Variants in COL1A1 observed in about 807,000 individuals in gnomAD.
The protein encoded by COL1A1 is collagen alpha-1(I) chain.
Under a neutral mutation model 195.7 loss-of-function variants are expected in COL1A1, and 21 were observed. The ratio of observed to expected loss-of-function variants is 0.11; its 90% confidence interval spans 0.08 to 0.15. COL1A1 has a LOEUF of 0.15. Among genes scored for constraint, COL1A1 ranks in the 10% least tolerant of loss-of-function variants. The pLI is 1.00. For missense variants in COL1A1, 1,365 were observed against 2,051.0 expected (o/e 0.67, Z 6.46); for synonymous variants, 749 against 747.3 (o/e 1.00, Z -0.04).
At position 50,184,475 on chromosome 17, in the gene COL1A1, C is replaced by CAAAAAAAAAAAA. The variant is rs58879635; in HGVS notation, c.*1015_*1026dup. 4 of 108,038 alleles carry CAAAAAAAAAAAA rather than the reference C, an allele frequency of 3.7e-5. No homozygotes were observed. The highest frequency in any genetic ancestry group is 1.4e-4 in the East Asian group (1 of 6,966). The allele number at this position is 108,038 out of a possible 1,614,324, so 6.7% of individuals were successfully genotyped here. ...AGAAAAATTCACAAGTCCCCATCCA[C>CAAAAAAAAAAAA]AAAAAAAAAAAAAAAAAAAGAAAAA... is the stretch of plus-strand genomic sequence containing the variant. On this transcript the variant is annotated 3_prime_UTR_variant, in exon 51 of 51. Coordinates refer to ENST00000225964, the MANE Select transcript of COL1A1 (RefSeq NM_000088.4).
intron 5 of COL1A1, 81 bp downstream of exon 5, chr17:50,199,145 T>G: frequency 7.1e-7 from 1 of 1,405,800 alleles, no homozygotes; most frequent in Non-Finnish European, 9.3e-7. Flanking sequence ...TTGAAATTAT[T>G]TCAAAGTATA....
Position 50,187,972 on chromosome 17 carries a change from G to T in COL1A1, c.3273C>A (p.Gly1091=). 3.1e-6 allele frequency: 5 copies of T among 1,614,118 alleles called. No homozygotes were observed. In the South Asian group the frequency reaches 4.4e-5, roughly 14 times the overall value. ...VGARGPAGPQ[G]PRGDKGETGE... The stretch of plus-strand genomic sequence containing the variant: ...CTGTCTCACCCTTGTCACCACGGGG[G>T]CCTTGGGGTCCCTAGAAGAGAGAAA... Residue 1091 remains glycine (G), a synonymous_variant, in exon 45 of 51, where the codon GGC becomes GGA. Transcript: ENST00000225964.
intron 9 of COL1A1, 85 bp from the exon 10 acceptor site, chr17:50,197,318 T>A (rs1012219748): frequency 3.6e-5 from 51 of 1,414,822 alleles, no homozygotes; most frequent in Admixed American, 6.8e-5. Context: ...CTCAGTCTTC[T>A]TTGGATTGTT....
In COL1A1 at chr17:50,190,898, A is replaced by T. The variant is rs1337728350; in HGVS notation, c.2262T>A (p.Asp754Glu). The change falls in exon 33 of 51, where the codon GAT becomes GAA. Residue 754 changes from aspartate (D) to glutamate (E), a missense_variant. Asp to Glu is a conservative substitution (Grantham distance 45). Coordinates refer to ENST00000225964, the MANE Select transcript of COL1A1 (RefSeq NM_000088.4). This position sits in a 1 kb window ranked among gnomAD's most constrained non-coding sequence, Gnocchi z 4.7. ...GGACGCCATCTTTGCCAGGAGAGCC[A>T]TCAGCACCTTTGGGACCAGCATCAC... ...DRGDAGPKGA[D>E]GSPGKDGVRG... 1 of 1,613,974 alleles carries T rather than the reference A, an allele frequency of 6.2e-7. No homozygotes were observed. The highest frequency in any genetic ancestry group is 1.7e-5 in the Admixed American group (1 of 60,018).
chr17:50,196,618 T>C lies in COL1A1; in HGVS notation c.857A>G (p.Lys286Arg). The change falls in exon 12 of 51, where the codon AAG becomes AGG. Residue 286 changes from lysine (K) to arginine (R), a missense_variant and splice_region_variant. This residue lies in a region of COL1A1 where 226 missense variants were observed against 372.9 expected (regional missense o/e 0.61). Transcript: ENST00000225964. ...AKGDAGPAGP[K>R]GEPGSPGENG... ...CATGATGTTCAGACAGCCTCTTACC[T>C]TAGGACCAGCAGGACCAGCATCTCC... 1.9e-6 allele frequency: 3 copies of C among 1,614,014 alleles called. 1 individual carries two copies. The highest frequency in any genetic ancestry group is 2.5e-6 in the Non-Finnish European group (3 of 1,179,986).
Position 50,190,934 on chromosome 17 carries a change from T to C in COL1A1, c.2236-10A>G. The C allele has an allele frequency of 6.2e-7, 1 of 1,612,534 alleles. No individual in the cohort carries two copies. Among genetic ancestry groups the C allele is most frequent in the Non-Finnish European group, 8.5e-7 (1 of 1,178,726 alleles). ...TGGGACCAGCATCACCCTAAAGACA[T>C]GGATAAGCTTGAGATTTCCAGTGTG... On this transcript the variant is annotated splice_polypyrimidine_tract_variant and intron_variant, in intron 32 of 50. Coordinates refer to ENST00000225964, the MANE Select transcript of COL1A1 (RefSeq NM_000088.4). This position sits in a 1 kb window ranked among gnomAD's most constrained non-coding sequence, Gnocchi z 4.7.
At chr17:50,200,115 G>T in intron 1 of COL1A1, 168 bp from the exon 2 acceptor site, 1 of 755,454 alleles carries the variant, frequency 1.3e-6, no homozygotes. Flanking sequence ...CAGCGCGGGT[G>T]ACAGCGCCGA....
Position 50,195,049 on chromosome 17 carries a change from G to A in COL1A1, c.1351C>T (p.Pro451Ser). ...AGAAGGATGGCGGGGAGACTTACAG[G>A]CTCTCCCTTAGCACCAGTGTCTCCT... Reference protein sequence around the residue: ...SKGDTGAKGEPGPVGVQGPPG... With the variant: ...SKGDTGAKGESGPVGVQGPPG... Residue 451 changes from proline to serine, a missense_variant and splice_region_variant, in exon 20 of 51, where the codon CCT becomes TCT. This residue lies in a region of COL1A1 where 671 missense variants were observed against 1,099.9 expected (regional missense o/e 0.61). Transcript: ENST00000225964. The surrounding 1 kb of genome is among the most constrained non-coding windows in gnomAD (Gnocchi z 4.3). 6.2e-7 allele frequency: 1 copy of A among 1,613,364 alleles called. No individual in the cohort carries two copies. Among genetic ancestry groups the A allele is most frequent in the Non-Finnish European group, 8.5e-7 (1 of 1,179,572 alleles).
Position 50,196,347 on chromosome 17 carries a change from A to C in COL1A1, c.924T>G (p.Gly308=). The C allele has an allele frequency of 6.2e-7, 1 of 1,612,794 alleles. No homozygotes were observed. Among genetic ancestry groups the C allele is most frequent in the Non-Finnish European group, 8.5e-7 (1 of 1,179,336 alleles). ...PGQMGPRGLP[G]ERGRPGAPGP... The stretch of plus-strand genomic sequence containing the variant: ...CAGGGGCTCCAGGGCGACCTCTCTC[A>C]CCAGGCAGGCCACGGGGGCCCTGAC... The change falls in exon 14 of 51, where the codon GGT becomes GGG. Residue 308 remains glycine (G), a synonymous_variant. Coordinates refer to ENST00000225964, the MANE Select transcript of COL1A1 (RefSeq NM_000088.4).
intron 15 of COL1A1, 64 bp downstream of exon 15, chr17:50,196,091 C>G: frequency 6.2e-7 from 1 of 1,611,510 alleles, no homozygotes; most frequent in Non-Finnish European, 8.5e-7. Flanking sequence ...CATTGTCAGC[C>G]CCAAGAGCAG....
In COL1A1 at chr17:50,189,101, G is replaced by A; in HGVS notation, c.2937+67C>T. 1.9e-6 allele frequency: 3 copies of A among 1,588,064 alleles called. No individual in the cohort carries two copies. The highest frequency in any genetic ancestry group is 1.7e-6 in the Non-Finnish European group (2 of 1,157,058). On this transcript the variant is annotated intron_variant, in intron 40 of 50. Transcript: ENST00000225964. The surrounding 1 kb of genome is among the most constrained non-coding windows in gnomAD (Gnocchi z 5.5). ...ATCTCTACCAAATCTGTTCTCCTTG[G>A]CTCCGCCCCACTCCAAGTCCTGTGA...
At position 50,189,503 on chromosome 17, in the gene COL1A1, A is replaced by G. The variant is rs568941118; in HGVS notation, c.2703T>C (p.Ala901=). 1 of 1,613,622 alleles carries G rather than the reference A, an allele frequency of 6.2e-7. No homozygotes were observed. Among genetic ancestry groups the G allele is most frequent in the South Asian group, 1.1e-5 (1 of 91,062 alleles). The change falls in exon 39 of 51, where the codon GCT becomes GCC. Residue 901 remains alanine (A), a synonymous_variant. Transcript: ENST00000225964. This position sits in a 1 kb window ranked among gnomAD's most constrained non-coding sequence, Gnocchi z 5.5. The stretch of plus-strand genomic sequence containing the variant: ...GGGGACCTTTGCCGCCTTCTTTGCC[A>G]GCAGGACCAGGAGGGCCAGGGGGTC... The part of the protein sequence containing the change: ...NAGPPGPPGP[A]GKEGGKGPRG...
chr17:50,184,300 T>A lies in COL1A1; in HGVS notation c.*1202A>T, dbSNP rs370496085. The stretch of plus-strand genomic sequence containing the variant: ...ACAGACTAGGAGGGAGCCGGGAGGA[T>A]GGGCTGCAGCTGTGGAGGAGGGTTT... On this transcript the variant is annotated 3_prime_UTR_variant, in exon 51 of 51. Transcript: ENST00000225964. The A allele has an allele frequency of 8.7e-6, 2 of 230,470 alleles. No homozygotes were observed. The highest frequency in any genetic ancestry group is 5.7e-5 in the Admixed American group (1 of 17,628). The allele number at this position is 230,470 out of a possible 1,614,324, so 14.3% of individuals were successfully genotyped here.
Position 50,190,446 on chromosome 17 carries a change from G to A in COL1A1, c.2398-66C>T, listed in dbSNP as rs1906981531. On this transcript the variant is annotated intron_variant, in intron 34 of 50. Transcript: ENST00000225964. The surrounding 1 kb of genome is among the most constrained non-coding windows in gnomAD (Gnocchi z 4.7). ...GAGGGAAGGCGGGGATGCGGTGAGG[G>A]GAGAGGCAAGGGGTGAAGGCACAGA... 2 of 1,572,656 alleles carry A rather than the reference G, an allele frequency of 1.3e-6. No homozygotes were observed. The highest frequency in any genetic ancestry group is 1.7e-5 in the Admixed American group (1 of 59,958).
chr17:50,195,007 G>A lies in COL1A1; in HGVS notation c.1353+40C>T. ...TTTCCCTCAGGGGGCTCCTAGGGCAGGGTGGGCTGGGCTGCAAGAAGGATG... is the reference window on the plus strand; with the variant it reads ...TTTCCCTCAGGGGGCTCCTAGGGCAAGGTGGGCTGGGCTGCAAGAAGGATG... On this transcript the variant is annotated intron_variant, in intron 20 of 50. Coordinates refer to ENST00000225964, the MANE Select transcript of COL1A1 (RefSeq NM_000088.4). The surrounding 1 kb of genome is among the most constrained non-coding windows in gnomAD (Gnocchi z 4.3). The A allele has an allele frequency of 2.5e-6, 4 of 1,604,392 alleles. No homozygotes were observed. Among genetic ancestry groups the A allele is most frequent in the Non-Finnish European group, 3.4e-6 (4 of 1,172,058 alleles).
chr17:50,201,317 G>A (rs1908074829), intron 1 of COL1A1, 94 bp downstream of exon 1: 2 of 1,140,752 alleles, frequency 1.8e-6, no homozygotes. Context: ...CGAGTCTCCG[G>A]ATCATCCACG....
Position 50,193,575 on chromosome 17 carries a change from G to A in COL1A1, c.1767+368C>T, listed in dbSNP as rs544610865. On this transcript the variant is annotated intron_variant, in intron 25 of 50. Transcript: ENST00000225964. The stretch of plus-strand genomic sequence containing the variant: ...CAGCTCACTGCAACCTCCACCTCCC[G>A]GGTTCATGCAATTCTCCTGCCTCAG... 3.2e-4 allele frequency: 104 copies of A among 322,892 alleles called. 1 individual carries two copies. Among genetic ancestry groups the A allele is most frequent in the South Asian group, 2.0e-3 (73 of 36,588 alleles). 20.0% of individuals were successfully genotyped at this position (322,892 alleles called of 1,614,324 possible). A position where few individuals can be genotyped will look rare whatever the true frequency, so the allele number is the denominator to read the frequency against.
rs200778332 is a variant in COL1A1, at chr17:50,194,757, G to A, written c.1425C>T (p.Pro475=). 15 of 1,573,288 alleles carry A rather than the reference G, an allele frequency of 9.5e-6. No homozygotes were observed. The East Asian group carries it at 1.9e-4, about 20-fold the overall frequency. Residue 475 remains proline, a synonymous_variant, in exon 21 of 51, where the codon CCC becomes CCT. Transcript: ENST00000225964. The surrounding 1 kb of genome is among the most constrained non-coding windows in gnomAD (Gnocchi z 6.8). The part of the protein sequence containing the change: ...EEGKRGARGE[P]GPTGLPGPPG... ...GGGGTCCGGGCAGGCCAGTGGGTCC[G>A]GGTTCACCTCGAGCTCCTCGCTTTC...
In COL1A1 at chr17:50,190,438, C is replaced by T. The variant is rs1029268793; in HGVS notation, c.2398-58G>A. 32 of 1,567,780 alleles carry T rather than the reference C, an allele frequency of 2.0e-5. No individual in the cohort carries two copies. Among genetic ancestry groups the T allele is most frequent in the Middle Eastern group, 1.7e-4 (1 of 5,964 alleles). On this transcript the variant is annotated intron_variant, in intron 34 of 50. Transcript: ENST00000225964. This position sits in a 1 kb window ranked among gnomAD's most constrained non-coding sequence, Gnocchi z 4.7. Reference sequence around the variant, plus strand: ...GCTGACAGGAGGGAAGGCGGGGATGCGGTGAGGGGAGAGGCAAGGGGTGAA... The same window carrying T: ...GCTGACAGGAGGGAAGGCGGGGATGTGGTGAGGGGAGAGGCAAGGGGTGAA...
Sources: gnomAD v4.1 joint callset for allele counts on GRCh38, gnomAD v4.1.1 for gene constraint, gnomAD v4.1.1 regional missense constraint, Gnocchi (gnomAD v3.1) non-coding constraint, MANE v1.5 for transcripts, NCBI Gene and HGNC (gene_info 2026-07-23, HGNC 2026-07-21) for gene names.